Variants in FAM53B observed in about 807,000 individuals in gnomAD.
The protein encoded by FAM53B is protein FAM53B.
FAM53B carries 12 observed loss-of-function variants against 32.7 expected under a neutral mutation model. The observed-to-expected ratio is 0.37, with a 90% confidence interval of 0.24 to 0.59. The LOEUF (loss-of-function observed/expected upper bound fraction) is 0.59, where lower values mean the gene tolerates loss of function less well. FAM53B is among the 20% of genes least tolerant of loss of function. The pLI, the probability that FAM53B is intolerant of heterozygous loss-of-function variation, is 0.72. For missense variants in FAM53B, 477 were observed against 577.7 expected (o/e 0.83, Z 1.79); for synonymous variants, 234 against 228.7 (o/e 1.02, Z -0.21).
intron 4 of FAM53B, among the ~76,000 whole-genome samples, chr10:124,661,072 A>C (rs1949628173): frequency 6.6e-6 from 1 of 151,770 alleles, no homozygotes; most frequent in Non-Finnish European, 1.5e-5. Flanking sequence ...AAAAAAAAAA[A>C]AAAAACAGGC....
At chr10:124,669,165 A>G (rs1419149909) in intron 4 of FAM53B, among the ~76,000 whole-genome samples, 1 of 152,166 alleles carries the variant, frequency 6.6e-6, no homozygotes, top group Non-Finnish European at 1.5e-5. Context: ...TGGTTCACAA[A>G]CGTTCTGCTT....
chr10:124,675,566 G>T (rs1350430261), intron 4 of FAM53B, among the ~76,000 whole-genome samples: 1 of 152,234 alleles, frequency 6.6e-6, no homozygotes, highest in East Asian at 1.9e-4. Context: ...TGAGCAACAG[G>T]CACTGCCATT....
At chr10:124,642,032 C>A (rs375580648) in intron 4 of FAM53B, among the ~76,000 whole-genome samples, 2 of 152,228 alleles carry the variant, frequency 1.3e-5, no homozygotes, top group African/African-American at 4.8e-5. Flanking sequence ...GAACAAATGG[C>A]GTGCGTGCAT....
At chr10:124,667,405 T>C (rs780286559) in intron 4 of FAM53B, 1 of 770,616 alleles carries the variant, frequency 1.3e-6, no homozygotes, top group South Asian at 1.4e-5. Context: ...ACGATGTGCC[T>C]TCCTCATGGG....
At chr10:124,633,827 A>G (rs1949408496) in intron 4 of FAM53B, among the ~76,000 whole-genome samples, 1 of 152,224 alleles carries the variant, frequency 6.6e-6, no homozygotes, top group African/African-American at 2.4e-5. Context: ...TCAAAGTACT[A>G]GAAGAAAACA....
Position 124,682,318 on chromosome 10 carries a change from G to A in FAM53B, c.195C>T (p.Thr65=). The A allele has an allele frequency of 1.9e-6, 3 of 1,613,818 alleles. No individual in the cohort carries two copies. The highest frequency in any genetic ancestry group is 2.5e-6 in the Non-Finnish European group (3 of 1,179,954). Residue 65 remains threonine (T), a synonymous_variant, in exon 4 of 5, where the codon ACC becomes ACT. Coordinates refer to ENST00000337318, the MANE Select transcript of FAM53B (RefSeq NM_014661.4). The surrounding 1 kb of genome is among the most constrained non-coding windows in gnomAD (Gnocchi z 5.2). The part of the protein sequence containing the change: ...KCPLQIDQPS[T]SIWECLPEKD... ...TTTCAGGCAGGCATTCCCAGATGCT[G>A]GTGCTCGGTTGGTCAATCTGAAGAG...
chr10:124,680,351 A>G (rs1949761938), intron 4 of FAM53B, among the ~76,000 whole-genome samples: 1 of 152,170 alleles, frequency 6.6e-6, no homozygotes, highest in South Asian at 2.1e-4. Context: ...CTCTTGAACA[A>G]AGGTGGCCAG....
At chr10:124,645,312 A>C (rs1589735958) in intron 4 of FAM53B, among the ~76,000 whole-genome samples, 1 of 152,262 alleles carries the variant, frequency 6.6e-6, no homozygotes, top group Non-Finnish European at 1.5e-5. Context: ...TTTAAAATTG[A>C]AAATGGAGAA....
At chr10:124,717,851 A>C (rs17697694) in intron 1 of FAM53B, among the ~76,000 whole-genome samples, 1,776 of 152,296 alleles carry the variant, frequency 0.012, 11 homozygotes, top group Non-Finnish European at 0.02. Context: ...AACTCTCAGG[A>C]CAAGAATCTC....
intron 1 of FAM53B, among the ~76,000 whole-genome samples, chr10:124,724,190 T>C (rs1950088093): frequency 6.6e-6 from 1 of 152,192 alleles, no homozygotes; most frequent in Non-Finnish European, 1.5e-5. Flanking sequence ...GGAAGCGGCA[T>C]GAGTGTTGGG....
In FAM53B at chr10:124,720,162, T is replaced by TAA. The variant is rs1351549210; in HGVS notation, c.-174-13277_-174-13276dup. ...TGGGTGACAAAAGAGAGACTTCATC[T>TAA]AAAAAAAAAAAAAAAAACAAACAAA... is the stretch of plus-strand genomic sequence containing the variant. On this transcript the variant is annotated intron_variant, in intron 1 of 4. Transcript: ENST00000337318. 2.0e-3 allele frequency among the ~76,000 whole-genome samples: 194 copies of TAA among 95,952 alleles called. 1 individual carries two copies. Among genetic ancestry groups the TAA allele is most frequent in the Non-Finnish European group, 2.8e-3 (127 of 45,712 alleles). 62.9% of individuals were successfully genotyped at this position (95,952 alleles called of 152,430 possible). A position where few individuals can be genotyped will look rare whatever the true frequency, so the allele number is the denominator to read the frequency against.
In FAM53B at chr10:124,620,781, T is replaced by G. The variant is rs1009225378; in HGVS notation, c.*2461A>C. 3 of 152,462 alleles carry G rather than the reference T, an allele frequency of 2.0e-5. No homozygotes were observed. The highest frequency in any genetic ancestry group is 7.2e-5 in the African/African-American group (3 of 41,458). 9.4% of individuals were successfully genotyped at this position (152,462 alleles called of 1,614,324 possible). On this transcript the variant is annotated 3_prime_UTR_variant, in exon 5 of 5. Transcript: ENST00000337318. Reference sequence around the variant, plus strand: ...ATGAAACCAGCTAAAGGCCATTTCTTTCTCTAAGCAGAAGGGATAGCCACC... The same window carrying G: ...ATGAAACCAGCTAAAGGCCATTTCTGTCTCTAAGCAGAAGGGATAGCCACC...
chr10:124,643,285 T>C (rs752136251), intron 4 of FAM53B, among the ~76,000 whole-genome samples: 39 of 152,208 alleles, frequency 2.6e-4, no homozygotes, highest in African/African-American at 4.1e-4. Context: ...ATTGCAGCTT[T>C]AGAAAAATCT....
intron 1 of FAM53B, among the ~76,000 whole-genome samples, chr10:124,710,363 G>A (rs1417814306): frequency 6.6e-6 from 1 of 152,184 alleles, no homozygotes; most frequent in Non-Finnish European, 1.5e-5. Context: ...CCAGAATCCA[G>A]CTAAATTACA....
intron 1 of FAM53B, among the ~76,000 whole-genome samples, chr10:124,719,047 TA>T (rs34673024): frequency 6.7e-6 from 1 of 148,878 alleles, no homozygotes; most frequent in Non-Finnish European, 1.5e-5. Flanking sequence ...ACAAAAAAAA[TA>T]AAAAAAAAGA....
intron 3 of FAM53B, among the ~76,000 whole-genome samples, chr10:124,694,378 C>A (rs1212027973): frequency 6.6e-6 from 1 of 152,252 alleles, no homozygotes; most frequent in African/African-American, 2.4e-5. Context: ...GGACTTTTTC[C>A]CACACACCTC....
intron 3 of FAM53B, among the ~76,000 whole-genome samples, chr10:124,686,936 G>A (rs1949806537): frequency 6.6e-6 from 1 of 152,262 alleles, no homozygotes; most frequent in Non-Finnish European, 1.5e-5. Flanking sequence ...GGGGTTGACA[G>A]AGTCACGTCT....
chr10:124,702,571 C>G (rs557350940), intron 2 of FAM53B, among the ~76,000 whole-genome samples: 1 of 152,318 alleles, frequency 6.6e-6, no homozygotes, highest in African/African-American at 2.4e-5. Flanking sequence ...CTGGGGGAAG[C>G]AGACAAGGGC....
At chr10:124,678,002 C>G (rs1949747352) in intron 4 of FAM53B, among the ~76,000 whole-genome samples, 1 of 152,202 alleles carries the variant, frequency 6.6e-6, no homozygotes, top group South Asian at 2.1e-4. Context: ...AGGCCTCCTT[C>G]CCATTTACAA....
Sources: allele counts gnomAD v4.1 joint callset (sites outside exome capture counted in the v4.1 genomes callset), GRCh38; gene constraint gnomAD v4.1.1; non-coding constraint Gnocchi (gnomAD v3.1); transcripts MANE v1.5; gene names NCBI Gene and HGNC (gene_info 2026-07-23, HGNC 2026-07-21).